LMBR1: variants seen among roughly 807,000 people sequenced by gnomAD.
LMBR1 encodes limb development membrane protein 1, also known as limb region 1 protein homolog.
In LMBR1, 52 loss-of-function variants were observed where a neutral mutation model predicts 73.9. The observed-to-expected ratio is 0.70, with a 90% CI of 0.56 to 0.89. LMBR1 has a LOEUF of 0.89. Among genes scored for constraint, LMBR1 ranks in the 40% least tolerant of loss-of-function variants. The probability of loss-of-function intolerance (pLI) is 0.00; values close to 1 mark genes in which losing one functional copy is unlikely to be tolerated. For missense variants in LMBR1, 539 were observed against 579.8 expected (o/e 0.93, Z 0.72); for synonymous variants, 215 against 209.4 (o/e 1.03, Z -0.23).
At chr7:156,864,509 G>A (rs1012985337) in intron 1 of LMBR1, among the ~76,000 whole-genome samples, 6 of 152,228 alleles carry the variant, frequency 3.9e-5, no homozygotes, top group Middle Eastern at 3.4e-3. Context: ...AGGAGGTTAC[G>A]AATGAAGACT....
intron 3 of LMBR1, among the ~76,000 whole-genome samples, chr7:156,833,250 C>A (rs1836998827): frequency 6.6e-6 from 1 of 152,242 alleles, no homozygotes; most frequent in Non-Finnish European, 1.5e-5. Flanking sequence ...TTTAAACAAG[C>A]AAAAACTAAC....
intron 1 of LMBR1, among the ~76,000 whole-genome samples, chr7:156,852,786 G>A (rs757894031): frequency 2.0e-5 from 3 of 152,142 alleles, no homozygotes; most frequent in Non-Finnish European, 4.4e-5. Context: ...ATGATGCACA[G>A]AACAGACCCG....
chr7:156,686,383 C>CAA (rs199733420), intron 16 of LMBR1, among the ~76,000 whole-genome samples: 3 of 149,788 alleles, frequency 2.0e-5, no homozygotes, highest in African/African-American at 7.4e-5. Flanking sequence ...AAAATCTCTA[C>CAA]AAAAAAAAAG....
At chr7:156,753,415 G>A (rs977230056) in intron 9 of LMBR1, among the ~76,000 whole-genome samples, 1 of 152,096 alleles carries the variant, frequency 6.6e-6, no homozygotes, top group Non-Finnish European at 1.5e-5. Context: ...TCCAGGACCA[G>A]CCAAATGAGG....
At chr7:156,754,145 C>A (rs1346518454) in intron 9 of LMBR1, among the ~76,000 whole-genome samples, 1 of 152,172 alleles carries the variant, frequency 6.6e-6, no homozygotes. Context: ...TATCACAGCA[C>A]ACAGCTTTGC....
At chr7:156,697,535 T>C (rs184079730) in intron 15 of LMBR1, among the ~76,000 whole-genome samples, 2 of 151,856 alleles carry the variant, frequency 1.3e-5, no homozygotes, top group Admixed American at 6.6e-5. Context: ...TTTATAGACC[T>C]CCCCCCAGGA....
chr7:156,751,300 T>C (rs76034842), intron 9 of LMBR1, among the ~76,000 whole-genome samples: 9,199 of 150,612 alleles, frequency 0.061, 350 homozygotes, highest in East Asian at 0.14. Context: ...CACTCCAGAG[T>C]GGGGGAAAGC....
chr7:156,736,383 T>C (rs939905484), intron 9 of LMBR1: 10 of 372,806 alleles, frequency 2.7e-5, no homozygotes, highest in African/African-American at 6.3e-5. Flanking sequence ...TTTAGTATAA[T>C]AGCTGATAAA....
chr7:156,799,044 A>C (rs1478142743), intron 4 of LMBR1, among the ~76,000 whole-genome samples: 2 of 151,606 alleles, frequency 1.3e-5, no homozygotes, highest in East Asian at 3.9e-4. Flanking sequence ...ATACAAAAAA[A>C]AAAAAAAATT....
intron 13 of LMBR1, 48 bp downstream of exon 13, chr7:156,725,716 G>T: frequency 6.5e-7 from 1 of 1,529,274 alleles, no homozygotes; most frequent in Non-Finnish European, 9.0e-7. Flanking sequence ...CAGAAAACTT[G>T]GTATAAAATT....
At chr7:156,873,406 G>A (rs1159826633) in intron 1 of LMBR1, among the ~76,000 whole-genome samples, 3 of 152,198 alleles carry the variant, frequency 2.0e-5, no homozygotes. Flanking sequence ...AGAGTTAGCA[G>A]TAGCAAGATT....
intron 5 of LMBR1, among the ~76,000 whole-genome samples, chr7:156,764,548 T>G (rs1438733882): frequency 1.3e-5 from 2 of 152,222 alleles, no homozygotes; most frequent in Non-Finnish European, 1.5e-5. Flanking sequence ...TGATTGAATC[T>G]GCACCTATAA....
intron 15 of LMBR1, among the ~76,000 whole-genome samples, chr7:156,712,408 T>C (rs1812264893): frequency 6.6e-6 from 1 of 152,220 alleles, no homozygotes; most frequent in Admixed American, 6.5e-5. Context: ...TCTATACGGT[T>C]GGTGGGAATG....
At chr7:156,817,374 C>T (rs182722245) in intron 4 of LMBR1, among the ~76,000 whole-genome samples, 2 of 152,212 alleles carry the variant, frequency 1.3e-5, no homozygotes, top group Admixed American at 1.3e-4. Flanking sequence ...GCAATTTACA[C>T]AATTTTTAAA....
At chr7:156,854,392 G>A (rs1327578150) in intron 1 of LMBR1, among the ~76,000 whole-genome samples, 1 of 152,138 alleles carries the variant, frequency 6.6e-6, no homozygotes, top group Non-Finnish European at 1.5e-5. Context: ...TTTCCTTCAG[G>A]AGTCCTACCA....
chr7:156,780,509 A>G (rs768636863), intron 5 of LMBR1, among the ~76,000 whole-genome samples: 4 of 152,212 alleles, frequency 2.6e-5, no homozygotes, highest in Non-Finnish European at 5.9e-5. Flanking sequence ...ATAATTCTGA[A>G]TTTGGGAAAA....
At chr7:156,853,393 C>T (rs1336203523) in intron 1 of LMBR1, among the ~76,000 whole-genome samples, 1 of 151,798 alleles carries the variant, frequency 6.6e-6, no homozygotes, top group African/African-American at 2.4e-5. Context: ...TCATTCCAAA[C>T]TACTTAATGT....
chr7:156,672,220 GTTTC>G (rs1802697325), intron 4 of LMBR1, among the ~76,000 whole-genome samples: 1 of 152,084 alleles, frequency 6.6e-6, no homozygotes, highest in Non-Finnish European at 1.5e-5. Flanking sequence ...TGACAAGTCT[GTTTC>G]TTTCAACAAG....
intron 1 of LMBR1, among the ~76,000 whole-genome samples, chr7:156,867,802 T>C (rs1189822885): frequency 6.6e-6 from 1 of 152,214 alleles, no homozygotes; most frequent in African/African-American, 2.4e-5. Context: ...TGACTGCTAC[T>C]GAACATAGGG....
Sources: allele counts gnomAD v4.1 joint callset (sites outside exome capture counted in the v4.1 genomes callset), GRCh38; gene constraint gnomAD v4.1.1; transcripts MANE v1.5; gene names NCBI Gene and HGNC (gene_info 2026-07-23, HGNC 2026-07-21).